Variants in TENM2 observed in about 807,000 individuals in gnomAD.
TENM2 encodes teneurin-2.
A neutral mutation model predicts 245.2 loss-of-function variants in TENM2; 52 were observed. The ratio of observed to expected loss-of-function variants is 0.21; its 90% CI spans 0.17 to 0.27. TENM2 has a LOEUF of 0.27. Among genes scored for constraint, TENM2 ranks in the 10% least tolerant of loss-of-function variants. The pLI is 1.00. For missense variants in TENM2, 3,046 were observed against 3,666.8 expected (o/e 0.83, Z 4.37); for synonymous variants, 1,363 against 1,438.9 (o/e 0.95, Z 1.19).
chr5:167,995,973 A>T (rs183043142), intron 5 of TENM2, among the ~76,000 whole-genome samples: 1 of 152,104 alleles, frequency 6.6e-6, no homozygotes, highest in Admixed American at 6.5e-5. Flanking sequence ...TGGTTCACAC[A>T]TGACTCTGCA....
At chr5:168,162,524 CG>C in intron 12 of TENM2, 86 bp from the exon 15 acceptor site, 1 of 1,440,080 alleles carries the variant, frequency 6.9e-7, no homozygotes, top group Non-Finnish European at 9.5e-7. Flanking sequence ...GGCTGCCCTG[CG>C]GCCTTGCTCC....
intron 2 of TENM2, among the ~76,000 whole-genome samples, chr5:167,617,385 C>T (rs1197823760): frequency 6.6e-6 from 1 of 152,130 alleles, no homozygotes; most frequent in African/African-American, 2.4e-5. Context: ...TTGGAGAAAA[C>T]TGAAGGAAGG....
intron 2 of TENM2, among the ~76,000 whole-genome samples, chr5:167,578,107 G>T (rs1056702515): frequency 3.3e-5 from 5 of 152,350 alleles, no homozygotes; most frequent in Middle Eastern, 3.4e-3. Context: ...CTGGAGAGGG[G>T]TGATCTGGTA....
At chr5:167,756,602 C>T (rs1206012533) in intron 2 of TENM2, among the ~76,000 whole-genome samples, 2 of 152,154 alleles carry the variant, frequency 1.3e-5, no homozygotes, top group Admixed American at 1.3e-4. Context: ...CTTCAATTAT[C>T]TCAGAAGTTA....
At chr5:167,183,789 T>A in the TENM2 span, among the ~76,000 whole-genome samples, 2 of 152,014 alleles carry the variant, frequency 1.3e-5, no homozygotes, top group East Asian at 3.9e-4. Context: ...GAGAAAAAAA[T>A]GGCCACTTAC....
chr5:167,101,779 C>A, the TENM2 span, among the ~76,000 whole-genome samples: 1 of 142,910 alleles, frequency 7.0e-6, no homozygotes, highest in Non-Finnish European at 1.5e-5. Context: ...CAGACGTAAG[C>A]AAAGATGATT....
At chr5:168,042,069 C>T (rs1472781508) in intron 5 of TENM2, among the ~76,000 whole-genome samples, 2 of 152,162 alleles carry the variant, frequency 1.3e-5, no homozygotes, top group Admixed American at 1.3e-4. Context: ...ACTTAATTGG[C>T]TGGTGCAGAG....
chr5:167,652,850 T>C (rs1241039785), intron 2 of TENM2, among the ~76,000 whole-genome samples: 3 of 152,170 alleles, frequency 2.0e-5, no homozygotes, highest in Non-Finnish European at 4.4e-5. Flanking sequence ...TTATTACAGG[T>C]TAAAAAGCTA....
chr5:167,323,868 G>C (rs534436220), intron 1 of TENM2, among the ~76,000 whole-genome samples: 2 of 152,108 alleles, frequency 1.3e-5, no homozygotes, highest in South Asian at 2.1e-4. Context: ...AGAAATGTAC[G>C]AAGTCAGAAC....
At chr5:168,111,533 C>A (rs562304336) in intron 9 of TENM2, among the ~76,000 whole-genome samples, 1 of 152,056 alleles carries the variant, frequency 6.6e-6, no homozygotes, top group Non-Finnish European at 1.5e-5. Flanking sequence ...AGCTCTCTTT[C>A]CAACTTCCTC....
chr5:167,742,260 T>C (rs1761228026), intron 2 of TENM2, among the ~76,000 whole-genome samples: 1 of 152,090 alleles, frequency 6.6e-6, no homozygotes, highest in Non-Finnish European at 1.5e-5. Flanking sequence ...CCTTAACTTT[T>C]ATTTTTATCC....
At chr5:168,029,345 C>A (rs922088619) in intron 5 of TENM2, among the ~76,000 whole-genome samples, 4 of 152,108 alleles carry the variant, frequency 2.6e-5, no homozygotes, top group Non-Finnish European at 5.9e-5. Context: ...GCCTTCATAG[C>A]CTTCAAAACA....
rs1167021328 is a variant in TENM2, at chr5:168,237,000, A to ATTT, written c.5521-7389_5521-7387dup. ...TATATATATATATATATATATATAT[A>ATTT]TTTTTTTTTTTTTTTTTTTTTTTTT... On this transcript the variant is annotated intron_variant, in intron 25 of 28. Coordinates refer to ENST00000518659, the Ensembl canonical transcript of TENM2. Among the ~76,000 whole-genome samples, 4 of 6,320 alleles carry ATTT rather than the reference A, an allele frequency of 6.3e-4. 2 individuals carry two copies. The highest frequency in any genetic ancestry group is 1.7e-3 in the African/African-American group (2 of 1,152). The allele number at this position is 6,320 out of a possible 152,430, so 4.1% of individuals were successfully genotyped here.
intron 2 of TENM2, among the ~76,000 whole-genome samples, chr5:167,483,153 A>C (rs1767856684): frequency 6.6e-6 from 1 of 152,212 alleles, no homozygotes; most frequent in South Asian, 2.1e-4. Flanking sequence ...TGAGAATGAA[A>C]TTAGAGCATA....
At chr5:168,098,876 T>C (rs1034535588) in intron 9 of TENM2, among the ~76,000 whole-genome samples, 8 of 152,116 alleles carry the variant, frequency 5.3e-5, no homozygotes, top group Non-Finnish European at 1.2e-4. Flanking sequence ...CACAAAATGA[T>C]ATTTTACTCC....
In TENM2 at chr5:168,190,577, G is replaced by A. The variant is rs370572490; in HGVS notation, c.2780+30G>A. ...GCACCCTCTGTCCCTGCAAACTCCTGAAGTCTCTGATTTTCTTCCTGTTGG... is the reference window on the plus strand; with the variant it reads ...GCACCCTCTGTCCCTGCAAACTCCTAAAGTCTCTGATTTTCTTCCTGTTGG... On this transcript the variant is annotated intron_variant, in intron 14 of 28. Coordinates refer to ENST00000518659, the Ensembl canonical transcript of TENM2. The A allele has an allele frequency of 2.3e-5, 36 of 1,586,620 alleles. No individual in the cohort carries two copies. In the East Asian group the frequency reaches 4.5e-4, roughly 20 times the overall value.
intron 2 of TENM2, among the ~76,000 whole-genome samples, chr5:167,436,762 G>C (rs1411633302): frequency 6.6e-6 from 1 of 152,118 alleles, no homozygotes; most frequent in Non-Finnish European, 1.5e-5. Context: ...ATGACTAAAA[G>C]GGGCCAAGGT....
In TENM2 at chr5:168,244,615, C is replaced by T. The variant is rs1462970386; in HGVS notation, c.5716C>T (p.Arg1906Cys). 6.2e-6 allele frequency: 10 copies of T among 1,600,382 alleles called. No individual in the cohort carries two copies. The highest frequency in any genetic ancestry group is 2.2e-5 in the East Asian group (1 of 44,482). ...CAATGGGCGCCTGGCTGGGCTTCAGCGTGGGGCCATGAGCGAGAGGACAGA... is the reference window on the plus strand; with the variant it reads ...CAATGGGCGCCTGGCTGGGCTTCAGTGTGGGGCCATGAGCGAGAGGACAGA... The change falls in exon 26 of 29, where the codon CGT (arginine) becomes TGT (cysteine). Residue 1906 changes from arginine to cysteine, a missense_variant. By Grantham distance (180) the Arg-to-Cys change is radical. Around this residue, in one of 2 missense-constraint regions of TENM2, gnomAD observed 2,704 missense variants for 3,331.9 expected, o/e 0.81. Coordinates refer to ENST00000518659, the Ensembl canonical transcript of TENM2. The surrounding 1 kb of genome is among the most constrained non-coding windows in gnomAD (Gnocchi z 4.9).
chr5:167,081,894 C>T, the TENM2 span, among the ~76,000 whole-genome samples: 4 of 152,312 alleles, frequency 2.6e-5, no homozygotes, highest in South Asian at 8.3e-4. Flanking sequence ...TTTCTTGCCT[C>T]TTGTCGTTTC....
Sources: gnomAD v4.1 joint callset for allele counts (sites outside exome capture counted in the v4.1 genomes callset) on GRCh38, gnomAD v4.1.1 for gene constraint, gnomAD v4.1.1 regional missense constraint, Gnocchi (gnomAD v3.1) non-coding constraint, MANE v1.5 for transcripts, NCBI Gene and HGNC (gene_info 2026-07-23, HGNC 2026-07-21) for gene names.